The following UPF3A variants were observed in gnomAD, a reference collection of about 807,000 sequenced individuals.
UPF3A encodes the protein regulator of nonsense transcripts 3A.
In UPF3A, 42 loss-of-function variants were observed where a neutral mutation model predicts 53.5. That is an observed-to-expected ratio of 0.78 (90% CI 0.61 to 1.01). The LOEUF (loss-of-function observed/expected upper bound fraction) is 1.01. Among genes scored for constraint, UPF3A ranks in the 50% least tolerant of loss-of-function variants. The pLI is 0.00. For synonymous variants in UPF3A, 237 were observed against 225.3 expected (o/e 1.05, Z -0.47); for missense variants, 575 against 598.0 (o/e 0.96, Z 0.40).
In UPF3A at chr13:114,294,968, T is replaced by C. The variant is rs181892784; in HGVS notation, c.846+3176T>C. Reference sequence around the variant, plus strand: ...TCTACTAAAAATACAAAAAATTAGCTGGGCGTGGTGGCGGGAGCCTGTAGT... The same window carrying C: ...TCTACTAAAAATACAAAAAATTAGCCGGGCGTGGTGGCGGGAGCCTGTAGT... On this transcript the variant is annotated intron_variant, in intron 7 of 9. Transcript: ENST00000375299. Among the ~76,000 whole-genome samples, 182 of 151,452 alleles carry C rather than the reference T, an allele frequency of 1.2e-3. 2 individuals are homozygous for C. In the East Asian group the frequency reaches 0.027, roughly 22 times the overall value.
Position 114,301,981 on chromosome 13 carries a change from T to A in UPF3A, c.1258T>A (p.Cys420Ser). The change falls in exon 9 of 10, where the codon TGT (cysteine) becomes AGT (serine). Residue 420 changes from cysteine to serine, a missense_variant. Transcript: ENST00000375299. The part of the protein sequence containing the change: ...AMERLGRAQR[C>S]DDSPAPRKER... ...GGAGAGACTGGGAAGAGCGCAGAGGTGTGACGACAGTCCAGCACCCAGAAA... is the reference window on the plus strand; with the variant it reads ...GGAGAGACTGGGAAGAGCGCAGAGGAGTGACGACAGTCCAGCACCCAGAAA... 1 of 1,575,014 alleles carries A rather than the reference T, an allele frequency of 6.3e-7. No homozygotes were observed. Among genetic ancestry groups the A allele is most frequent in the Non-Finnish European group, 8.6e-7 (1 of 1,160,700 alleles).
intron 7 of UPF3A, among the ~76,000 whole-genome samples, chr13:114,296,439 G>T (rs2086034564): frequency 6.6e-6 from 1 of 152,100 alleles, no homozygotes; most frequent in African/African-American, 2.4e-5. Context: ...CAAGGTGCTG[G>T]GAGGGTTACT....
chr13:114,299,869 A>G (rs1419156530), intron 8 of UPF3A, among the ~76,000 whole-genome samples: 1 of 152,244 alleles, frequency 6.6e-6, no homozygotes, highest in Non-Finnish European at 1.5e-5. Context: ...TGGGAAGACT[A>G]ATGCGATTAG....
At chr13:114,298,570 G>A (rs1455181644) in intron 7 of UPF3A, among the ~76,000 whole-genome samples, 1 of 152,096 alleles carries the variant, frequency 6.6e-6, no homozygotes, top group Non-Finnish European at 1.5e-5. Context: ...AGATTGTGGT[G>A]CATGTTCTGT....
chr13:114,288,276 C>T (rs1273312063), intron 5 of UPF3A, among the ~76,000 whole-genome samples: 3 of 152,204 alleles, frequency 2.0e-5, no homozygotes, highest in Admixed American at 6.5e-5. Context: ...CCAACCAGGG[C>T]ACCTCAGTGT....
rs1474557541 is a variant in UPF3A, at chr13:114,286,285, A to G, written c.422-17A>G. On this transcript the variant is annotated splice_polypyrimidine_tract_variant and intron_variant, in intron 3 of 9. Transcript: ENST00000375299. The stretch of plus-strand genomic sequence containing the variant: ...AGAATTTCAGAATGGCTTCTGGAAC[A>G]TGTTTCCTGTTAAAAGGCCTAGAAT... The G allele has an allele frequency of 1.2e-6, 2 of 1,611,600 alleles. No homozygotes were observed. Among genetic ancestry groups the G allele is most frequent in the Admixed American group, 1.7e-5 (1 of 59,304 alleles).
Position 114,295,375 on chromosome 13 carries a change from CTCCCCAGCTCGTCTCCAGCGGCTCTGGCG to C in UPF3A, c.847-3463_847-3435del, listed in dbSNP as rs1204159998. ...GCTCGTCTCCAGCGGCTCTGGCGTG[CTCCCCAGCTCGTCTCCAGCGGCTCTGGCG>C]TGCTCCCCAGCTCGTCTCCAGCGGC... is the stretch of plus-strand genomic sequence containing the variant. On this transcript the variant is annotated intron_variant, in intron 7 of 9. Transcript: ENST00000375299. 5.3e-3 allele frequency among the ~76,000 whole-genome samples: 801 copies of C among 150,158 alleles called. 15 individuals are homozygous for C. The highest frequency in any genetic ancestry group is 0.025 in the South Asian group (117 of 4,696).
chr13:114,295,060 C>A (rs1304791195), intron 7 of UPF3A, among the ~76,000 whole-genome samples: 2 of 137,146 alleles, frequency 1.5e-5, no homozygotes, highest in Non-Finnish European at 3.1e-5. Flanking sequence ...TGCAGTGAGC[C>A]AAGATTGCGC....
intron 7 of UPF3A, among the ~76,000 whole-genome samples, chr13:114,297,914 A>G (rs919286773): frequency 2.0e-5 from 3 of 152,256 alleles, no homozygotes; most frequent in South Asian, 2.1e-4. Flanking sequence ...AGGCTGAGGC[A>G]GTAGAGTCGC....
chr13:114,285,518 A>G (rs563164214), intron 3 of UPF3A: 2 of 152,266 alleles, frequency 1.3e-5, no homozygotes, highest in South Asian at 2.1e-4. Context: ...TAAAGGAATT[A>G]TAATTCAGTC....
At chr13:114,294,582 T>G (rs548705017) in intron 7 of UPF3A, among the ~76,000 whole-genome samples, 8 of 152,268 alleles carry the variant, frequency 5.3e-5, no homozygotes, top group African/African-American at 1.9e-4. Flanking sequence ...GAAATATGGT[T>G]TGGGAGGCCG....
intron 7 of UPF3A, among the ~76,000 whole-genome samples, chr13:114,294,078 C>T (rs1285698283): frequency 1.3e-5 from 2 of 152,048 alleles, no homozygotes; most frequent in Non-Finnish European, 2.9e-5. Context: ...GCCACCATGC[C>T]TGGCCTGGTT....
Position 114,301,121 on chromosome 13 carries a change from G to A in UPF3A, c.1008-610G>A, listed in dbSNP as rs949796104. Among the ~76,000 whole-genome samples the A allele has an allele frequency of 4.0e-5, 6 of 151,370 alleles. No individual in the cohort carries two copies. In the East Asian group the frequency reaches 1.2e-3, roughly 30 times the overall value. On this transcript the variant is annotated intron_variant, in intron 8 of 9. Coordinates refer to ENST00000375299, the MANE Select transcript of UPF3A (RefSeq NM_023011.4). ...AGACACCATGCCTGGTCAAAAGAAGGTATTTACTTTGGAGGGTTATTGAGA... is the reference window on the plus strand; with the variant it reads ...AGACACCATGCCTGGTCAAAAGAAGATATTTACTTTGGAGGGTTATTGAGA...
At chr13:114,281,895 T>TGAGGGGAGG (rs1566716288) in intron 1 of UPF3A, 49 bp downstream of exon 1, 22 of 833,798 alleles carry the variant, frequency 2.6e-5, no homozygotes, top group African/African-American at 2.3e-4. Flanking sequence ...AGGACGGCCC[T>TGAGGGGAGG]GAGTGGAGGG....
At chr13:114,296,364 A>G (rs1168306126) in intron 7 of UPF3A, among the ~76,000 whole-genome samples, 3 of 152,170 alleles carry the variant, frequency 2.0e-5, no homozygotes, top group Non-Finnish European at 2.9e-5. Flanking sequence ...CTTGGGTGAC[A>G]GAGCAAGACT....
At chr13:114,296,725 G>A (rs1269336249) in intron 7 of UPF3A, among the ~76,000 whole-genome samples, 1 of 152,192 alleles carries the variant, frequency 6.6e-6, no homozygotes, top group Non-Finnish European at 1.5e-5. Context: ...CTGAGCCCTT[G>A]ACCCGTGGGT....
chr13:114,282,484 C>T lies in UPF3A; in HGVS notation c.315-353C>T, dbSNP rs556399980. ...GGGCGCCGGCTCTTCCTGTGGCCTC[C>T]ACGCTGGTGCCGCAGCCAGTGCGGT... On this transcript the variant is annotated intron_variant, in intron 2 of 9. Coordinates refer to ENST00000375299, the MANE Select transcript of UPF3A (RefSeq NM_023011.4). 7 of 985,418 alleles carry T rather than the reference C, an allele frequency of 7.1e-6. No homozygotes were observed. The East Asian group carries it at 6.8e-4, about 96-fold the overall frequency. 61.0% of individuals were successfully genotyped at this position (985,418 alleles called of 1,614,324 possible). A position where few individuals can be genotyped will look rare whatever the true frequency, so the allele number is the denominator to read the frequency against.
At chr13:114,290,365 C>G (rs2085151502) in intron 5 of UPF3A, among the ~76,000 whole-genome samples, 1 of 152,212 alleles carries the variant, frequency 6.6e-6, no homozygotes, top group Non-Finnish European at 1.5e-5. Flanking sequence ...ATTCCTGATT[C>G]ATTCCTGGTC....
chr13:114,296,170 G>T (rs2085980220), intron 7 of UPF3A, among the ~76,000 whole-genome samples: 2 of 152,206 alleles, frequency 1.3e-5, no homozygotes, highest in Non-Finnish European at 2.9e-5. Flanking sequence ...GGATCCCGAG[G>T]TCAGGAGTTT....
Sources: gnomAD v4.1 joint callset for allele counts (sites outside exome capture counted in the v4.1 genomes callset) on GRCh38, gnomAD v4.1.1 for gene constraint, MANE v1.5 for transcripts, NCBI Gene and HGNC (gene_info 2026-07-23, HGNC 2026-07-21) for gene names.